Variants in COL5A2 observed in about 807,000 individuals in gnomAD.
COL5A2 encodes collagen alpha-2(V) chain.
Under a neutral mutation model 208.2 loss-of-function variants are expected in COL5A2, and 23 were observed. That is an observed-to-expected ratio of 0.11 (90% CI 0.08 to 0.16). The LOEUF is 0.16. Ranked by LOEUF, COL5A2 falls within the 10% of genes least tolerant of loss-of-function variation. The pLI is 1.00. For synonymous variants in COL5A2, 625 were observed against 628.5 expected, an observed-to-expected ratio of 0.99 and a Z score of 0.08; for missense variants, 1,590 against 1,956.4, an observed-to-expected ratio of 0.81 and a Z score of 3.53.
At chr2:189,366,200 G>A in the COL5A2 span, among the ~76,000 whole-genome samples, 15 of 152,058 alleles carry the variant, frequency 9.9e-5, no homozygotes, top group African/African-American at 3.4e-4. Context: ...AGTAATAAGC[G>A]TTCCATAAAT....
chr2:189,354,744 T>C, the COL5A2 span, among the ~76,000 whole-genome samples: 9 of 152,186 alleles, frequency 5.9e-5, no homozygotes, highest in African/African-American at 1.7e-4. Context: ...CTGTATTCAT[T>C]GATTTTTTGA....
chr2:189,387,726 G>A, the COL5A2 span, among the ~76,000 whole-genome samples: 1 of 151,954 alleles, frequency 6.6e-6, no homozygotes, highest in Non-Finnish European at 1.5e-5. Flanking sequence ...AGTTTACAAT[G>A]GCAAAAAAAA....
At chr2:189,063,342 C>A in intron 26 of COL5A2, 72 bp from the exon 27 acceptor site, 1 of 1,197,676 alleles carries the variant, frequency 8.3e-7, no homozygotes, top group Non-Finnish European at 1.2e-6. Context: ...CAAAGTGTCA[C>A]CTTTGCTTAC....
chr2:189,324,334 T>G, the COL5A2 span, among the ~76,000 whole-genome samples: 27 of 152,174 alleles, frequency 1.8e-4, no homozygotes, highest in African/African-American at 3.4e-4. Context: ...TTAAACTAAA[T>G]AGCTTCTGCA....
chr2:189,036,955 A>G (rs1416187123), intron 51 of COL5A2, 152 bp from the exon 52 acceptor site: 1 of 671,520 alleles, frequency 1.5e-6, no homozygotes, highest in Non-Finnish European at 2.6e-6. Context: ...AGTAACCGGT[A>G]TGCATTGGGG....
intron 1 of COL5A2, among the ~76,000 whole-genome samples, chr2:189,138,255 T>C (rs1029560876): frequency 5.3e-5 from 8 of 152,142 alleles, no homozygotes; most frequent in East Asian, 1.9e-4. Flanking sequence ...ATTACAGGTG[T>C]GAGCCAATGC....
chr2:189,393,033 A>G, the COL5A2 span, among the ~76,000 whole-genome samples: 4 of 152,264 alleles, frequency 2.6e-5, no homozygotes, highest in Admixed American at 2.6e-4. Flanking sequence ...AAATAAAAGA[A>G]AAAAAACTTT....
At chr2:189,385,480 A>G in the COL5A2 span, among the ~76,000 whole-genome samples, 1 of 152,136 alleles carries the variant, frequency 6.6e-6, no homozygotes, top group Non-Finnish European at 1.5e-5. Flanking sequence ...AGGCAGCACA[A>G]ATAAATGGGA....
At chr2:189,204,434 G>T (rs1383136214) in intron 1 of COL5A2, among the ~76,000 whole-genome samples, 1 of 152,256 alleles carries the variant, frequency 6.6e-6, no homozygotes, top group South Asian at 2.1e-4. Flanking sequence ...TTTCTTAAAA[G>T]AATCTACTGC....
the COL5A2 span, among the ~76,000 whole-genome samples, chr2:189,307,155 A>G: frequency 2.0e-5 from 3 of 152,170 alleles, no homozygotes; most frequent in African/African-American, 4.8e-5. Flanking sequence ...ACACATCTGA[A>G]TTCCTTTTAC....
chr2:189,038,055 T>C (rs935735469), intron 51 of COL5A2, among the ~76,000 whole-genome samples: 1 of 152,190 alleles, frequency 6.6e-6, no homozygotes, highest in Admixed American at 6.5e-5. Context: ...TTATTTTAAA[T>C]ACAAGGGGTA....
chr2:189,110,511 GGTGA>G (rs1321710509), intron 1 of COL5A2, 62 bp from the exon 2 acceptor site: 1 of 1,502,838 alleles, frequency 6.7e-7, no homozygotes, highest in Non-Finnish European at 9.2e-7. Context: ...GAAAATAAAA[GGTGA>G]GCCATCTTGT....
chr2:189,284,512 C>A, the COL5A2 span, among the ~76,000 whole-genome samples: 1 of 152,056 alleles, frequency 6.6e-6, no homozygotes, highest in Non-Finnish European at 1.5e-5. Context: ...CCCTTTTAAA[C>A]AACCAGATCT....
In COL5A2 at chr2:189,056,958, A is replaced by G; in HGVS notation, c.2391+15T>C. 1 of 1,613,364 alleles carries G rather than the reference A, an allele frequency of 6.2e-7. No individual in the cohort carries two copies. The highest frequency in any genetic ancestry group is 8.5e-7 in the Non-Finnish European group (1 of 1,179,414). ...TGGTTCCTAGCCCAGCTAGAAAAGGAATACTTTCACTTACTCTTGCACCAT... is the reference window on the plus strand; with the variant it reads ...TGGTTCCTAGCCCAGCTAGAAAAGGGATACTTTCACTTACTCTTGCACCAT... On this transcript the variant is annotated intron_variant, in intron 35 of 53. Transcript: ENST00000374866.
chr2:189,344,306 A>G, the COL5A2 span, among the ~76,000 whole-genome samples: 1 of 152,200 alleles, frequency 6.6e-6, no homozygotes, highest in Non-Finnish European at 1.5e-5. Context: ...TTTAAAGGCC[A>G]AACCTTCCCA....
intron 5 of COL5A2, 55 bp from the exon 6 acceptor site, chr2:189,097,385 T>A (rs772074131): frequency 2.5e-6 from 4 of 1,583,060 alleles, no homozygotes; most frequent in Non-Finnish European, 3.5e-6. Context: ...CTTATTGAAT[T>A]TTTAAAAGTC....
the COL5A2 span, among the ~76,000 whole-genome samples, chr2:189,422,751 G>A: frequency 8.8e-3 from 1,340 of 152,228 alleles, 21 homozygotes; most frequent in African/African-American, 0.03. Flanking sequence ...AAGGCCAGGC[G>A]TGGTGGCTCA....
At chr2:189,314,233 TAACA>T in the COL5A2 span, among the ~76,000 whole-genome samples, 4 of 152,166 alleles carry the variant, frequency 2.6e-5, no homozygotes, top group South Asian at 2.1e-4. Flanking sequence ...CCTGAAATCA[TAACA>T]AACAGTCTCT....
At chr2:189,247,443 A>C in the COL5A2 span, among the ~76,000 whole-genome samples, 1 of 152,134 alleles carries the variant, frequency 6.6e-6, no homozygotes, top group African/African-American at 2.4e-5. Context: ...TTGAGTCCGA[A>C]AAGTTCCACA....
Sources: allele counts gnomAD v4.1 joint callset (sites outside exome capture counted in the v4.1 genomes callset), GRCh38; gene constraint gnomAD v4.1.1; transcripts MANE v1.5; gene names NCBI Gene and HGNC (gene_info 2026-07-23, HGNC 2026-07-21).